The following INTS7 variants were observed in gnomAD, a reference collection of about 807,000 sequenced individuals.
INTS7 encodes chromosome 1 open reading frame 73.
A neutral mutation model predicts 109.2 loss-of-function variants in INTS7; 46 were observed. That is an observed-to-expected ratio of 0.42 (90% CI 0.33 to 0.54). INTS7 has a LOEUF of 0.54. Ranked by LOEUF, INTS7 falls within the 20% of genes least tolerant of loss-of-function variation. INTS7 has a pLI of 0.07. For missense variants in INTS7, 929 were observed against 1,132.4 expected (o/e 0.82, Z 2.58); for synonymous variants, 412 against 402.9 (o/e 1.02, Z -0.27).
Position 212,007,392 on chromosome 1 carries a change from T to C in INTS7, c.614A>G (p.His205Arg). The C allele has an allele frequency of 4.3e-6, 7 of 1,614,004 alleles. No individual in the cohort carries two copies. Among genetic ancestry groups the C allele is most frequent in the Non-Finnish European group, 5.9e-6 (7 of 1,179,890 alleles). The change falls in exon 6 of 20, where the codon CAC (histidine) becomes CGC (arginine). Residue 205 changes from histidine to arginine, a missense_variant. His to Arg is a conservative substitution (Grantham distance 29, BLOSUM62 0). This residue lies in a region of INTS7 where 787 missense variants were observed against 901.1 expected (regional missense o/e 0.87). Coordinates refer to ENST00000366994, the MANE Select transcript of INTS7 (RefSeq NM_015434.4). ...LKLIPILQHM[H>R]HDAILASSAR... is the part of the protein sequence containing the mutation. Reference sequence around the variant, plus strand: ...ACTGGAAGCCAAGATTGCATCATGGTGCATGTGCTGTAGAATGGGTATCAA... The same window carrying C: ...ACTGGAAGCCAAGATTGCATCATGGCGCATGTGCTGTAGAATGGGTATCAA...
chr1:212,022,869 T>C (rs2358333), intron 1 of INTS7, among the ~76,000 whole-genome samples: 46,985 of 152,098 alleles, frequency 0.31, 8,883 homozygotes, highest in Middle Eastern at 0.43. Context: ...TAGTACCCAA[T>C]AAGCAGTTTT....
At chr1:211,968,966 T>C (rs558233495) in intron 13 of INTS7, among the ~76,000 whole-genome samples, 2 of 152,092 alleles carry the variant, frequency 1.3e-5, no homozygotes, top group Non-Finnish European at 2.9e-5. Context: ...CCCCATAATA[T>C]GTGAATTGTC....
At chr1:212,015,037 T>C (rs1276602784) in intron 4 of INTS7, among the ~76,000 whole-genome samples, 1 of 151,278 alleles carries the variant, frequency 6.6e-6, no homozygotes, top group Non-Finnish European at 1.5e-5. Flanking sequence ...AGCCGCCCCA[T>C]CTGGGAGGTG....
intron 8 of INTS7, among the ~76,000 whole-genome samples, chr1:211,984,938 T>A (rs951364083): frequency 7.2e-5 from 11 of 152,210 alleles, no homozygotes; most frequent in Non-Finnish European, 1.2e-4. Flanking sequence ...CTATTGATGA[T>A]CTTTTAATGC....
At chr1:211,966,991 T>C (rs893115075) in intron 15 of INTS7, among the ~76,000 whole-genome samples, 2 of 152,188 alleles carry the variant, frequency 1.3e-5, no homozygotes, top group African/African-American at 2.4e-5. Flanking sequence ...TCTCTGTATA[T>C]ATGCATTTTG....
Position 211,976,629 on chromosome 1 carries a change from A to C in INTS7, c.1561T>G (p.Ser521Ala). 1.2e-6 allele frequency: 2 copies of C among 1,613,984 alleles called. No individual in the cohort carries two copies. Among genetic ancestry groups the C allele is most frequent in the Non-Finnish European group, 1.7e-6 (2 of 1,179,868 alleles). Residue 521 changes from serine (S) to alanine (A), a missense_variant, in exon 12 of 20, where the codon TCC (serine) becomes GCC (alanine). Ser to Ala is a moderately conservative substitution (Grantham distance 99). Coordinates refer to ENST00000366994, the MANE Select transcript of INTS7 (RefSeq NM_015434.4). ...AVIKQQLESV[S>A]NGWTVYRIAR... ...ATACGGTATACAGTCCATCCATTGG[A>C]GACACTTTCAAGCTGCTGCTTAATT...
chr1:211,967,849 C>T (rs750112527), intron 15 of INTS7, 29 bp downstream of exon 15: 2 of 1,224,036 alleles, frequency 1.6e-6, no homozygotes, highest in Non-Finnish European at 1.2e-6. Context: ...CCAAAAAGAA[C>T]AAGAAGTACT....
intron 8 of INTS7, 85 bp from the exon 9 acceptor site, chr1:211,982,895 T>C (rs1257141791): frequency 1.9e-6 from 2 of 1,051,758 alleles, no homozygotes; most frequent in East Asian, 2.6e-5. Context: ...TTCTTAATTT[T>C]TGAGAAAAGT....
chr1:211,998,875 T>C (rs887206217), intron 7 of INTS7, among the ~76,000 whole-genome samples: 2 of 152,176 alleles, frequency 1.3e-5, no homozygotes, highest in African/African-American at 2.4e-5. Context: ...TCACTGAAGA[T>C]ACAGATGACA....
intron 16 of INTS7, among the ~76,000 whole-genome samples, chr1:211,963,157 C>T (rs752910271): frequency 3.3e-5 from 5 of 151,964 alleles, no homozygotes; most frequent in African/African-American, 4.8e-5. Context: ...CAAGTAAACA[C>T]AATTAGAAAC....
At chr1:211,967,774 G>C (rs1663966995) in intron 15 of INTS7, 104 bp downstream of exon 15, 2 of 647,822 alleles carry the variant, frequency 3.1e-6, no homozygotes, top group South Asian at 2.0e-5. Context: ...TAAATTTATA[G>C]GGTTATTTAA....
chr1:211,983,945 G>A (rs1664779324), intron 8 of INTS7, among the ~76,000 whole-genome samples: 1 of 151,726 alleles, frequency 6.6e-6, no homozygotes, highest in Non-Finnish European at 1.5e-5. Context: ...GCTCACTATA[G>A]TCTCAAACTC....
Position 211,973,130 on chromosome 1 carries a change from G to T in INTS7, c.1815+2036C>A, listed in dbSNP as rs1214950390. 2.6e-5 allele frequency among the ~76,000 whole-genome samples: 4 copies of T among 152,012 alleles called. No individual in the cohort carries two copies. The East Asian group carries it at 7.7e-4, about 29-fold the overall frequency. ...CATGCCTGGCTAATTTTTTTTTGTA[G>T]AGACGGGGTTTTCCAACATTGCCCA... is the stretch of plus-strand genomic sequence containing the variant. On this transcript the variant is annotated intron_variant, in intron 13 of 19. Transcript: ENST00000366994.
rs906322371 is a variant in INTS7 at position 211,990,789 on chromosome 1, T to TG, written c.880-2787dup. ...TCAAAAGGATAGAGGCTAAGTAAGA[T>TG]GGGGGGGATTAGGCCAGATGATATA... On this transcript the variant is annotated intron_variant, in intron 7 of 19. Transcript: ENST00000366994. Among the ~76,000 whole-genome samples, 12 of 151,878 alleles carry TG rather than the reference T, an allele frequency of 7.9e-5. No individual in the cohort carries two copies. In the East Asian group the frequency reaches 9.6e-4, roughly 12 times the overall value.
intron 19 of INTS7, among the ~76,000 whole-genome samples, chr1:211,943,498 AAC>A (rs1230735049): frequency 6.6e-6 from 1 of 152,170 alleles, no homozygotes. Flanking sequence ...ACCCAATTTT[AAC>A]AGTTATACTC....
intron 7 of INTS7, among the ~76,000 whole-genome samples, chr1:212,003,244 C>T (rs543565480): frequency 4.6e-4 from 68 of 146,618 alleles, no homozygotes; most frequent in African/African-American, 1.0e-3. Flanking sequence ...AAAAGAAATT[C>T]GCAACTAGAC....
intron 16 of INTS7, among the ~76,000 whole-genome samples, chr1:211,964,266 G>C (rs1663772056): frequency 6.6e-6 from 1 of 151,956 alleles, no homozygotes; most frequent in South Asian, 2.1e-4. Context: ...AAAATACCTA[G>C]GAATACAGCT....
At chr1:212,027,771 A>C (rs2102501507) in intron 1 of INTS7, among the ~76,000 whole-genome samples, 1 of 152,278 alleles carries the variant, frequency 6.6e-6, no homozygotes, top group African/African-American at 2.4e-5. Flanking sequence ...AACCTACTAA[A>C]TATATGGGGC....
At chr1:212,001,544 G>T (rs1665671825) in intron 7 of INTS7, among the ~76,000 whole-genome samples, 2 of 152,168 alleles carry the variant, frequency 1.3e-5, no homozygotes, top group African/African-American at 4.8e-5. Context: ...ATCTAGAGAA[G>T]GGTTGGTCCT....
Sources: gnomAD v4.1 joint callset for allele counts (sites outside exome capture counted in the v4.1 genomes callset) on GRCh38, gnomAD v4.1.1 for gene constraint, gnomAD v4.1.1 regional missense constraint, MANE v1.5 for transcripts, NCBI Gene and HGNC (gene_info 2026-07-23, HGNC 2026-07-21) for gene names.